The following ABR variants were observed in gnomAD, a reference collection of about 807,000 sequenced individuals.
The protein encoded by ABR is active breakpoint cluster region-related protein.
In ABR, 35 loss-of-function variants were observed where a neutral mutation model predicts 107.2. The observed-to-expected ratio is 0.33, with a 90% confidence interval of 0.25 to 0.43. The LOEUF (loss-of-function observed/expected upper bound fraction) is 0.43, where lower values mean the gene tolerates loss of function less well. Ranked by LOEUF, ABR falls within the 20% of genes least tolerant of loss-of-function variation. The pLI, the probability that ABR is intolerant of heterozygous loss-of-function variation, is 1.00. For missense variants in ABR, 815 were observed against 1,115.2 expected (o/e 0.73, Z 3.83); for synonymous variants, 498 against 462.0 (o/e 1.08, Z -1.00).
intron 2 of ABR, chr17:1,115,442 T>A (rs1182798582): frequency 1.3e-5 from 2 of 152,308 alleles, no homozygotes; most frequent in Non-Finnish European, 2.9e-5. Flanking sequence ...CCAGACTGTA[T>A]GAAGCTCAGT....
intron 2 of ABR, among the ~76,000 whole-genome samples, chr17:1,121,099 C>T (rs2151437286): frequency 6.6e-6 from 1 of 152,374 alleles, no homozygotes; most frequent in South Asian, 2.1e-4. Context: ...CCGTGCTGCC[C>T]TGCTCAGCCT....
At chr17:1,156,989 C>G (rs1346696679) in intron 1 of ABR, among the ~76,000 whole-genome samples, 1 of 152,240 alleles carries the variant, frequency 6.6e-6, no homozygotes, top group African/African-American at 2.4e-5. Flanking sequence ...ATGTCAGGCT[C>G]TGACGCACAG....
chr17:1,175,957 G>A (rs2041904193), intron 1 of ABR, among the ~76,000 whole-genome samples: 1 of 152,234 alleles, frequency 6.6e-6, no homozygotes, highest in African/African-American at 2.4e-5. Context: ...CGGGCGTGGT[G>A]GCGGGCGCCT....
At chr17:1,069,106 C>G (rs748463729) in intron 9 of ABR, among the ~76,000 whole-genome samples, 1 of 152,114 alleles carries the variant, frequency 6.6e-6, no homozygotes, top group Non-Finnish European at 1.5e-5. Context: ...GAAGATGAGG[C>G]AGCAACAGGG....
Position 1,179,570 on chromosome 17 carries a change from C to G in ABR, c.61+97G>C, listed in dbSNP as rs923862458. 4.7e-6 allele frequency: 6 copies of G among 1,289,974 alleles called. No homozygotes were observed. In the Admixed American group the frequency reaches 1.9e-4, roughly 42 times the overall value. 79.9% of individuals were successfully genotyped at this position (1,289,974 alleles called of 1,614,324 possible). ...CCAGCCCGGTGCCTGGGTCCCGATC[C>G]CGATCTTGGGGTCCCGATCCCGATC... is the stretch of plus-strand genomic sequence containing the variant. On this transcript the variant is annotated intron_variant, in intron 1 of 22. Transcript: ENST00000302538. The surrounding 1 kb of genome is among the most constrained non-coding windows in gnomAD (Gnocchi z 4.9).
chr17:1,160,461 C>A (rs2041245233), intron 1 of ABR, among the ~76,000 whole-genome samples: 1 of 152,200 alleles, frequency 6.6e-6, no homozygotes, highest in African/African-American at 2.4e-5. Flanking sequence ...CTTCATGCAA[C>A]CAGCATTGAC....
At chr17:1,052,361 G>A (rs1380317666) in intron 14 of ABR, among the ~76,000 whole-genome samples, 2 of 149,896 alleles carry the variant, frequency 1.3e-5, no homozygotes, top group Non-Finnish European at 3.0e-5. Flanking sequence ...AGGGTCAGAG[G>A]GAGGGTTCCG....
upstream of ABR, among the ~76,000 whole-genome samples, chr17:1,192,310 T>C (rs183266105): frequency 1.4e-4 from 22 of 152,236 alleles, no homozygotes; most frequent in East Asian, 3.7e-3. Context: ...GAATATTCCC[T>C]GAGCCCTACT....
rs898617308 is a variant in ABR, at chr17:1,200,317, G to T, written c.838+28476C>A. Among the ~76,000 whole-genome samples the T allele has an allele frequency of 6.6e-6, 1 of 152,032 alleles. No homozygotes were observed. Among genetic ancestry groups the T allele is most frequent in the African/African-American group, 2.4e-5 (1 of 41,374 alleles). On this transcript the variant is annotated intron_variant, in intron 1 of 22. Transcript: ENST00000574139. This position sits in a 1 kb window ranked among gnomAD's most constrained non-coding sequence, Gnocchi z 4.1. Reference sequence around the variant, plus strand: ...GTAATCCCAACACTTTCGGACGATCGCTTGAAGCCAGGAGTTCAAGACCAG... The same window carrying T: ...GTAATCCCAACACTTTCGGACGATCTCTTGAAGCCAGGAGTTCAAGACCAG...
chr17:1,079,282 A>T (rs767048468), intron 6 of ABR, 48 bp downstream of exon 6: 5 of 1,596,952 alleles, frequency 3.1e-6, no homozygotes, highest in Non-Finnish European at 4.3e-6. Context: ...TTGCCTGCAC[A>T]GCCAGACAAA....
chr17:1,060,167 T>C (rs1225446686), intron 10 of ABR, among the ~76,000 whole-genome samples: 1 of 152,132 alleles, frequency 6.6e-6, no homozygotes, highest in Non-Finnish European at 1.5e-5. Flanking sequence ...TCCCAGCACT[T>C]TGGGAGGCCG....
chr17:1,028,571 C>CTCT (rs1171217158), intron 16 of ABR, among the ~76,000 whole-genome samples: 4 of 152,356 alleles, frequency 2.6e-5, no homozygotes, highest in African/African-American at 7.2e-5. Context: ...CAGGTAACAC[C>CTCT]TCTGATCCTC....
chr17:1,130,521 C>G (rs889941915), intron 1 of ABR, among the ~76,000 whole-genome samples: 2 of 152,174 alleles, frequency 1.3e-5, no homozygotes, highest in Non-Finnish European at 1.5e-5. Flanking sequence ...TGGTCTGCAC[C>G]TGCTCCACCT....
chr17:1,087,075 C>A (rs1170205421), intron 4 of ABR, among the ~76,000 whole-genome samples: 2 of 152,152 alleles, frequency 1.3e-5, no homozygotes, highest in African/African-American at 4.8e-5. Flanking sequence ...ACTCCACCTT[C>A]ATGTGTGACG....
intron 16 of ABR, among the ~76,000 whole-genome samples, chr17:1,016,484 T>C (rs2150774907): frequency 6.6e-6 from 1 of 152,086 alleles, no homozygotes; most frequent in East Asian, 1.9e-4. Flanking sequence ...GCCCAGCTAA[T>C]TTTTTATTTG....
intron 6 of ABR, among the ~76,000 whole-genome samples, chr17:1,076,072 C>G (rs973030226): frequency 1.3e-5 from 2 of 152,170 alleles, no homozygotes; most frequent in Admixed American, 1.3e-4. Flanking sequence ...CAAGGTCTCA[C>G]TATGTTGCTG....
Position 1,131,970 on chromosome 17 carries a change from G to A in ABR, c.62-6603C>T, listed in dbSNP as rs1312957061. 2.8e-3 allele frequency among the ~76,000 whole-genome samples: 270 copies of A among 97,890 alleles called. 3 individuals are homozygous for A. The highest frequency in any genetic ancestry group is 0.01 in the African/African-American group (254 of 24,846). The allele number at this position is 97,890 out of a possible 152,430, so 64.2% of individuals were successfully genotyped here. ...GCACACCAAATGCAGTGCCTGCCACGCGCACAGCTCCCCCCTCTTTGCACA... is the reference window on the plus strand; with the variant it reads ...GCACACCAAATGCAGTGCCTGCCACACGCACAGCTCCCCCCTCTTTGCACA... On this transcript the variant is annotated intron_variant, in intron 1 of 22. Coordinates refer to ENST00000302538, the MANE Select transcript of ABR (RefSeq NM_021962.5).
At chr17:1,168,121 T>C (rs538770959) in intron 1 of ABR, among the ~76,000 whole-genome samples, 18 of 151,890 alleles carry the variant, frequency 1.2e-4, no homozygotes, top group East Asian at 3.9e-4. Context: ...ATCCCGTCTC[T>C]ACTAAAAATA....
chr17:1,067,311 C>G, intron 9 of ABR, 69 bp from the exon 10 acceptor site: 1 of 1,340,304 alleles, frequency 7.5e-7, no homozygotes, highest in Admixed American at 3.2e-5. Flanking sequence ...CTCTTGGGTC[C>G]AGAACCACAG....
Sources: allele counts gnomAD v4.1 joint callset (sites outside exome capture counted in the v4.1 genomes callset), GRCh38; gene constraint gnomAD v4.1.1; non-coding constraint Gnocchi (gnomAD v3.1); transcripts MANE v1.5; gene names NCBI Gene and HGNC (gene_info 2026-07-23, HGNC 2026-07-21).